Variants in DRD2 observed in about 807,000 individuals in gnomAD.
DRD2 encodes D(2) dopamine receptor.
DRD2 carries 8 observed loss-of-function variants against 38.0 expected under a neutral mutation model. That is an observed-to-expected ratio of 0.21 (90% CI 0.12 to 0.38). The LOEUF is 0.38. Ranked by LOEUF, DRD2 falls within the 10% of genes least tolerant of loss-of-function variation. DRD2 has a pLI of 1.00. For synonymous variants in DRD2, 230 were observed against 238.6 expected (o/e 0.96, Z 0.33); for missense variants, 403 against 607.7 (o/e 0.66, Z 3.54).
At chr11:113,464,063 G>A (rs567419984) in intron 1 of DRD2, among the ~76,000 whole-genome samples, 1 of 152,270 alleles carries the variant, frequency 6.6e-6, no homozygotes, top group Admixed American at 6.5e-5. Flanking sequence ...CCTATTCCCT[G>A]TAACTTCCAC....
chr11:113,461,825 A>G (rs1176336172), intron 1 of DRD2, among the ~76,000 whole-genome samples: 3 of 152,216 alleles, frequency 2.0e-5, no homozygotes, highest in African/African-American at 7.2e-5. Flanking sequence ...ATGCACATCC[A>G]GCTGCCCTCA....
chr11:113,457,203 G>A (rs1565677122), intron 1 of DRD2, among the ~76,000 whole-genome samples: 2 of 152,208 alleles, frequency 1.3e-5, no homozygotes, highest in South Asian at 2.1e-4. Flanking sequence ...CTCAACCTCT[G>A]TGAGGTGCAG....
At chr11:113,414,268 TG>T in intron 6 of DRD2, 106 bp downstream of exon 6, 1 of 1,045,642 alleles carries the variant, frequency 9.6e-7, no homozygotes, top group Non-Finnish European at 1.5e-6. Context: ...TGGGGGTTTC[TG>T]GGGTGCTTCT....
At chr11:113,412,455 A>G (rs958265629) in intron 7 of DRD2, 101 bp downstream of exon 7, 5 of 1,457,130 alleles carry the variant, frequency 3.4e-6, no homozygotes, top group Admixed American at 3.7e-5. Flanking sequence ...TGCCTGAGGA[A>G]ATGCTAGCCC....
chr11:113,426,794 G>T (rs910498859), intron 1 of DRD2, among the ~76,000 whole-genome samples: 3 of 152,220 alleles, frequency 2.0e-5, no homozygotes, highest in African/African-American at 7.2e-5. Context: ...CCTGTTCTAA[G>T]GTAATGAAGC....
At chr11:113,433,806 G>T (rs1951012063) in intron 1 of DRD2, among the ~76,000 whole-genome samples, 1 of 152,162 alleles carries the variant, frequency 6.6e-6, no homozygotes, top group South Asian at 2.1e-4. Context: ...CGGGTCGCCT[G>T]CTCCAAGCTT....
chr11:113,419,129 TGCTCTGGCCCAGGCTCTG>T (rs1565662229), intron 2 of DRD2, among the ~76,000 whole-genome samples: 2 of 152,248 alleles, frequency 1.3e-5, no homozygotes, highest in African/African-American at 2.4e-5. Context: ...TTCCTAGTCC[TGCTCTGGCCCAGGCTCTG>T]GCTGAGCCAG....
chr11:113,457,590 C>A lies in DRD2; in HGVS notation c.-32+17486G>T, dbSNP rs558582858. Reference sequence around the variant, plus strand: ...CTCCATTACCACCCCCCCGACCCCCCACTATTTACATGTAAATGAAAAACG... The same window carrying A: ...CTCCATTACCACCCCCCCGACCCCCAACTATTTACATGTAAATGAAAAACG... On this transcript the variant is annotated intron_variant, in intron 1 of 7. Coordinates refer to ENST00000362072, the MANE Select transcript of DRD2 (RefSeq NM_000795.4). 6.6e-5 allele frequency among the ~76,000 whole-genome samples: 10 copies of A among 152,262 alleles called. No individual in the cohort carries two copies. In the South Asian group the frequency reaches 1.0e-3, roughly 16 times the overall value.
intron 1 of DRD2, among the ~76,000 whole-genome samples, chr11:113,441,630 G>A (rs1245512243): frequency 1.3e-5 from 2 of 152,254 alleles, no homozygotes; most frequent in African/African-American, 2.4e-5. Flanking sequence ...GGCACACACC[G>A]ATTGAAGAAA....
At chr11:113,441,376 C>A (rs1302656837) in intron 1 of DRD2, among the ~76,000 whole-genome samples, 1 of 152,144 alleles carries the variant, frequency 6.6e-6, no homozygotes, top group Admixed American at 6.5e-5. Flanking sequence ...TCCTTCATGC[C>A]CAGGGACTGC....
chr11:113,454,994 C>T (rs1951254999), intron 1 of DRD2, among the ~76,000 whole-genome samples: 1 of 152,118 alleles, frequency 6.6e-6, no homozygotes, highest in South Asian at 2.1e-4. Flanking sequence ...AAAATAAATA[C>T]TTAAATGTAA....
intron 2 of DRD2, among the ~76,000 whole-genome samples, chr11:113,421,281 C>T (rs1331975126): frequency 6.6e-6 from 1 of 152,302 alleles, no homozygotes; most frequent in African/African-American, 2.4e-5. Flanking sequence ...CCACTGTCAC[C>T]GGCAGCAGAC....
chr11:113,412,380 G>A (rs973316006), intron 7 of DRD2, among the ~76,000 whole-genome samples, 176 bp downstream of exon 7: 2 of 152,222 alleles, frequency 1.3e-5, no homozygotes, highest in Admixed American at 1.3e-4. Flanking sequence ...TTGCCCATCT[G>A]TAAAGTGAGC....
chr11:113,435,734 G>A (rs1951030153), intron 1 of DRD2, among the ~76,000 whole-genome samples: 1 of 151,206 alleles, frequency 6.6e-6, no homozygotes, highest in Non-Finnish European at 1.5e-5. Context: ...GGTCACCTGA[G>A]CCAAGGACAT....
At chr11:113,449,010 A>G (rs890510420) in intron 1 of DRD2, among the ~76,000 whole-genome samples, 9 of 152,148 alleles carry the variant, frequency 5.9e-5, no homozygotes, top group Admixed American at 2.6e-4. Context: ...AATATCTTCT[A>G]TGACTCCCCT....
chr11:113,458,394 G>A (rs1212110698), intron 1 of DRD2, among the ~76,000 whole-genome samples: 1 of 150,208 alleles, frequency 6.7e-6, no homozygotes. Context: ...AATATCACCA[G>A]AAAAAAAAAA....
chr11:113,447,014 A>T (rs1250878354), intron 1 of DRD2, among the ~76,000 whole-genome samples: 1 of 152,212 alleles, frequency 6.6e-6, no homozygotes, highest in Non-Finnish European at 1.5e-5. Context: ...CACTCACACC[A>T]GACAAGAAGA....
chr11:113,425,597 G>A (rs373489175), intron 1 of DRD2, among the ~76,000 whole-genome samples: 16 of 152,286 alleles, frequency 1.1e-4, no homozygotes, highest in South Asian at 8.3e-4. Flanking sequence ...TGTGGAGAAC[G>A]GAGAGGAGGG....
At chr11:113,431,754 C>T (rs76074576) in intron 1 of DRD2, among the ~76,000 whole-genome samples, 2,292 of 152,356 alleles carry the variant, frequency 0.015, 63 homozygotes, top group African/African-American at 0.049. Context: ...GAGGCAGGCA[C>T]TTCCAACCTC....
Sources: gnomAD v4.1 joint callset for allele counts (sites outside exome capture counted in the v4.1 genomes callset) on GRCh38, gnomAD v4.1.1 for gene constraint, MANE v1.5 for transcripts, NCBI Gene and HGNC (gene_info 2026-07-23, HGNC 2026-07-21) for gene names.